Variants in FSTL5 observed in about 807,000 individuals in gnomAD.
FSTL5 encodes follistatin like 5.
Under a neutral mutation model 89.1 loss-of-function variants are expected in FSTL5, and 62 were observed. The observed-to-expected ratio is 0.70, with a 90% CI of 0.57 to 0.86. The LOEUF (loss-of-function observed/expected upper bound fraction) is 0.86, where lower values mean the gene tolerates loss of function less well. Among genes scored for constraint, FSTL5 ranks in the 40% least tolerant of loss-of-function variants. FSTL5 has a pLI of 0.00. For synonymous variants in FSTL5, 383 were observed against 346.2 expected (o/e 1.11, Z -1.18); for missense variants, 1,057 against 1,001.6 (o/e 1.06, Z -0.75).
At chr4:161,429,281 G>C (rs983354635) in intron 15 of FSTL5, among the ~76,000 whole-genome samples, 1 of 152,188 alleles carries the variant, frequency 6.6e-6, no homozygotes, top group African/African-American at 2.4e-5. Flanking sequence ...CCAGGGCTGG[G>C]GGAAACTCAC....
chr4:161,496,787 A>AAGATAGAAATAG (rs139742126), intron 12 of FSTL5, among the ~76,000 whole-genome samples: 9,875 of 143,812 alleles, frequency 0.069, 464 homozygotes, highest in Non-Finnish European at 0.099. Context: ...GATAGAGAAA[A>AAGATAGAAATAG]AGATAGAGAT....
chr4:161,462,496 T>C (rs1160898592), intron 13 of FSTL5, among the ~76,000 whole-genome samples: 4 of 152,208 alleles, frequency 2.6e-5, no homozygotes, highest in Non-Finnish European at 5.9e-5. Flanking sequence ...TTTCAAACTT[T>C]AACTCTTTCA....
At chr4:161,439,243 A>G (rs1228686810) in intron 15 of FSTL5, among the ~76,000 whole-genome samples, 1 of 152,248 alleles carries the variant, frequency 6.6e-6, no homozygotes, top group Non-Finnish European at 1.5e-5. Context: ...ACATGCCTCT[A>G]CAGAACAAAC....
At chr4:162,081,184 C>A (rs955713584) in intron 2 of FSTL5, among the ~76,000 whole-genome samples, 1 of 151,428 alleles carries the variant, frequency 6.6e-6, no homozygotes, top group Non-Finnish European at 1.5e-5. Context: ...CGAATACTAG[C>A]AATATGGGGA....
At chr4:162,033,821 G>A (rs1030333168) in intron 2 of FSTL5, among the ~76,000 whole-genome samples, 163 bp from the exon 3 acceptor site, 1 of 151,734 alleles carries the variant, frequency 6.6e-6, no homozygotes, top group African/African-American at 2.4e-5. Flanking sequence ...TTTTTTGAGA[G>A]AGCATTTTGC....
intron 11 of FSTL5, among the ~76,000 whole-genome samples, chr4:161,503,777 C>T (rs1400318503): frequency 6.6e-6 from 1 of 151,964 alleles, no homozygotes; most frequent in Non-Finnish European, 1.5e-5. Context: ...GAGCTTGACA[C>T]ACTCACTCCC....
At chr4:162,146,690 C>G (rs1281479188) in intron 1 of FSTL5, among the ~76,000 whole-genome samples, 1 of 134,914 alleles carries the variant, frequency 7.4e-6, no homozygotes, top group African/African-American at 2.6e-5. Flanking sequence ...CTTCCCTTCC[C>G]TTCCCTTCCC....
At chr4:161,512,958 A>G (rs1483047370) in intron 10 of FSTL5, among the ~76,000 whole-genome samples, 2 of 152,086 alleles carry the variant, frequency 1.3e-5, no homozygotes, top group African/African-American at 2.4e-5. Context: ...GCATTTTCCA[A>G]TTTTATTGAC....
intron 15 of FSTL5, among the ~76,000 whole-genome samples, chr4:161,420,299 G>A (rs903489627): frequency 1.3e-5 from 2 of 152,312 alleles, no homozygotes; most frequent in South Asian, 2.1e-4. Context: ...ACTAGCTACG[G>A]CCATGTGACC....
intron 7 of FSTL5, among the ~76,000 whole-genome samples, chr4:161,637,856 G>T (rs1273094497): frequency 8.7e-6 from 1 of 115,454 alleles, no homozygotes; most frequent in African/African-American, 3.6e-5. Flanking sequence ...ATGCTGTTTT[G>T]GTTACTGTAG....
intron 15 of FSTL5, among the ~76,000 whole-genome samples, chr4:161,453,711 C>T (rs1733251943): frequency 6.6e-6 from 1 of 152,128 alleles, no homozygotes; most frequent in African/African-American, 2.4e-5. Flanking sequence ...CCTCCCGCCT[C>T]ATCCTCACGA....
rs542740526 is a variant in FSTL5 at position 161,686,740 on chromosome 4, G to T, written c.728-30246C>A. 6.7e-4 allele frequency among the ~76,000 whole-genome samples: 101 copies of T among 151,848 alleles called. 2 individuals carry two copies. The South Asian group carries it at 0.018, about 27-fold the overall frequency. On this transcript the variant is annotated intron_variant, in intron 6 of 15. Transcript: ENST00000306100. ...TTATTTAGTCAATATCATATTTTTG[G>T]TGTTTTTCTCATTTCCATCTCTATC...
chr4:161,821,029 A>T (rs1343517292), intron 4 of FSTL5, among the ~76,000 whole-genome samples: 1 of 151,834 alleles, frequency 6.6e-6, no homozygotes, highest in Non-Finnish European at 1.5e-5. Context: ...ATTAAAAACA[A>T]GTTTTCTTTG....
intron 7 of FSTL5, among the ~76,000 whole-genome samples, chr4:161,649,017 G>A (rs1736245606): frequency 6.6e-6 from 1 of 152,132 alleles, no homozygotes; most frequent in South Asian, 2.1e-4. Context: ...AGGCTGGTGA[G>A]CACAGGTAAA....
At chr4:162,145,130 A>G (rs540317048) in intron 1 of FSTL5, among the ~76,000 whole-genome samples, 1 of 151,980 alleles carries the variant, frequency 6.6e-6, no homozygotes, top group Non-Finnish European at 1.5e-5. Context: ...TTACCAGTGC[A>G]CACACATACA....
At chr4:161,673,681 T>C (rs777769143) in intron 6 of FSTL5, among the ~76,000 whole-genome samples, 1 of 152,026 alleles carries the variant, frequency 6.6e-6, no homozygotes, top group African/African-American at 2.4e-5. Context: ...TAGTGTCAAA[T>C]GTCACTATTT....
intron 15 of FSTL5, among the ~76,000 whole-genome samples, chr4:161,406,283 T>C (rs1731372076): frequency 6.6e-6 from 1 of 152,208 alleles, no homozygotes; most frequent in Admixed American, 6.5e-5. Flanking sequence ...AGTCATTTTT[T>C]ACTTAGAGTG....
chr4:162,157,682 C>T (rs1054935725), intron 1 of FSTL5, among the ~76,000 whole-genome samples: 3 of 152,070 alleles, frequency 2.0e-5, no homozygotes, highest in Non-Finnish European at 4.4e-5. Flanking sequence ...ATACGCTTTC[C>T]ACTTTAAAGT....
chr4:161,731,210 A>G (rs1739597596), intron 6 of FSTL5, among the ~76,000 whole-genome samples: 1 of 152,176 alleles, frequency 6.6e-6, no homozygotes, highest in African/African-American at 2.4e-5. Context: ...ACTCAAGATG[A>G]TGAATCTGTC....
Sources: gnomAD v4.1 joint callset for allele counts (sites outside exome capture counted in the v4.1 genomes callset) on GRCh38, gnomAD v4.1.1 for gene constraint, MANE v1.5 for transcripts, NCBI Gene and HGNC (gene_info 2026-07-23, HGNC 2026-07-21) for gene names.